Variants in VOPP1 observed in about 807,000 individuals in gnomAD.
VOPP1 encodes the protein VOPP1 WW domain binding protein, also known as WW domain binding protein VOPP1.
Under a neutral mutation model 23.5 loss-of-function variants are expected in VOPP1, and 8 were observed. The ratio of observed to expected loss-of-function variants is 0.34; its 90% CI spans 0.20 to 0.61. VOPP1 has a LOEUF of 0.61. Ranked by LOEUF, VOPP1 falls within the 20% of genes least tolerant of loss-of-function variation. VOPP1 has a pLI of 0.78. For missense variants in VOPP1, 174 were observed against 238.1 expected, an observed-to-expected ratio of 0.73 and a Z score of 1.77; for synonymous variants, 83 against 97.3, an observed-to-expected ratio of 0.85 and a Z score of 0.86.
intron 1 of VOPP1, among the ~76,000 whole-genome samples, chr7:55,533,762 C>G (rs553240836): frequency 9.8e-5 from 15 of 152,316 alleles, no homozygotes; most frequent in African/African-American, 3.6e-4. Flanking sequence ...ACCTGGCTTT[C>G]CCTCCTCAGT....
At chr7:55,436,642 G>A (rs1340701080) in intron 4 of VOPP1, among the ~76,000 whole-genome samples, 4 of 139,696 alleles carry the variant, frequency 2.9e-5, no homozygotes, top group Non-Finnish European at 4.9e-5. Context: ...GTGTGTGTGC[G>A]TGCGTGGGTG....
intron 1 of VOPP1, among the ~76,000 whole-genome samples, chr7:55,529,326 C>T (rs1796362827): frequency 6.9e-6 from 1 of 145,516 alleles, no homozygotes; most frequent in African/African-American, 2.6e-5. Flanking sequence ...GATGGCGCCA[C>T]TGCACTCCAT....
intron 3 of VOPP1, among the ~76,000 whole-genome samples, chr7:55,494,669 G>A (rs140492327): frequency 1.5e-4 from 23 of 152,194 alleles, no homozygotes; most frequent in Non-Finnish European, 2.6e-4. Context: ...TGGTAGAGAC[G>A]GAGTCTCACT....
downstream of VOPP1, among the ~76,000 whole-genome samples, chr7:55,466,514 G>GA (rs1791635305): frequency 6.6e-6 from 1 of 152,216 alleles, no homozygotes; most frequent in Non-Finnish European, 1.5e-5. Flanking sequence ...ACTGAGGGGG[G>GA]AAACCAGAAG....
intron 4 of VOPP1, among the ~76,000 whole-genome samples, chr7:55,443,436 C>A (rs1386980781): frequency 6.6e-6 from 1 of 151,826 alleles, no homozygotes; most frequent in Non-Finnish European, 1.5e-5. Flanking sequence ...CGCCTGTAGT[C>A]CTAGCTACTC....
At chr7:55,491,486 C>T (rs895714182) in intron 4 of VOPP1, among the ~76,000 whole-genome samples, 10 of 151,616 alleles carry the variant, frequency 6.6e-5, no homozygotes, top group African/African-American at 2.4e-4. Context: ...TCAGCAACAC[C>T]CCTCTGCCCA....
chr7:55,440,446 T>A (rs2128998969), intron 4 of VOPP1, among the ~76,000 whole-genome samples: 1 of 152,350 alleles, frequency 6.6e-6, no homozygotes, highest in South Asian at 2.1e-4. Context: ...GGGGGCTGAC[T>A]GATATCTGGC....
In VOPP1 at chr7:55,552,748, G is replaced by C. The variant is rs146917136; in HGVS notation, c.54+19523C>G. On this transcript the variant is annotated intron_variant, in intron 1 of 4. Coordinates refer to ENST00000285279, the MANE Select transcript of VOPP1 (RefSeq NM_030796.5). ...TCTGGTCGCCAGGTTGCCGGCACAC[G>C]GAGTTCACGCAGAGAGGCAGCAAGT... 5 of 1,533,846 alleles carry C rather than the reference G, an allele frequency of 3.3e-6. No homozygotes were observed. The East Asian group carries it at 9.8e-5, about 30-fold the overall frequency.
At chr7:55,462,371 C>T (rs1247890186) in intron 4 of VOPP1, among the ~76,000 whole-genome samples, 1 of 152,120 alleles carries the variant, frequency 6.6e-6, no homozygotes, top group Non-Finnish European at 1.5e-5. Flanking sequence ...TATCTTTAAG[C>T]TTCCTGTATC....
At chr7:55,484,406 G>T (rs1050884065) in intron 4 of VOPP1, among the ~76,000 whole-genome samples, 1 of 152,106 alleles carries the variant, frequency 6.6e-6, no homozygotes, top group East Asian at 1.9e-4. Context: ...TTTCCTTTAT[G>T]ATCTCATCAC....
At position 55,442,912 on chromosome 7, in the gene VOPP1, C is replaced by T. The variant is rs181100594; in HGVS notation, n.418-6738G>A. ...CAGGTGGATCACGAGGTCAGGAGAT[C>T]GAGACCATCCTGCCTAACACAGTGA... On this transcript the variant is annotated intron_variant and non_coding_transcript_variant, in intron 4 of 4. Transcript: ENST00000462326. Among the ~76,000 whole-genome samples the T allele has an allele frequency of 3.3e-5, 5 of 151,486 alleles. No individual in the cohort carries two copies. In the South Asian group the frequency reaches 6.3e-4, roughly 19 times the overall value.
At chr7:55,484,656 A>T (rs1229409514) in intron 4 of VOPP1, among the ~76,000 whole-genome samples, 1 of 152,222 alleles carries the variant, frequency 6.6e-6, no homozygotes, top group Non-Finnish European at 1.5e-5. Context: ...TAGCAAAGCT[A>T]ATTAACAAAA....
chr7:55,505,630 G>C (rs960209945), intron 2 of VOPP1, among the ~76,000 whole-genome samples: 23 of 120,314 alleles, frequency 1.9e-4, no homozygotes, highest in Middle Eastern at 5.7e-3. Context: ...GGGAAGGAAA[G>C]AAGGAAAAAA....
downstream of VOPP1, among the ~76,000 whole-genome samples, chr7:55,468,005 G>A (rs1417090312): frequency 2.0e-5 from 3 of 152,230 alleles, no homozygotes; most frequent in African/African-American, 7.2e-5. Flanking sequence ...TGGGGGCAGT[G>A]GCTCACGCCT....
At chr7:55,485,062 GT>G (rs917197223) in intron 4 of VOPP1, among the ~76,000 whole-genome samples, 1 of 152,154 alleles carries the variant, frequency 6.6e-6, no homozygotes, top group African/African-American at 2.4e-5. Context: ...CTTTTTGTTT[GT>G]TTTTTTAGGA....
chr7:55,551,824 G>C (rs1158260250), intron 1 of VOPP1, among the ~76,000 whole-genome samples: 1 of 152,134 alleles, frequency 6.6e-6, no homozygotes, highest in African/African-American at 2.4e-5. Context: ...TGGATCACTT[G>C]AGATCAGCAG....
At chr7:55,561,195 G>A (rs1445429622) in intron 1 of VOPP1, among the ~76,000 whole-genome samples, 3 of 152,016 alleles carry the variant, frequency 2.0e-5, no homozygotes, top group Non-Finnish European at 4.4e-5. Context: ...TTACTTCAAC[G>A]CAAAGTTCCT....
intron 1 of VOPP1, among the ~76,000 whole-genome samples, chr7:55,526,301 G>C (rs1215395190): frequency 6.6e-6 from 1 of 152,124 alleles, no homozygotes; most frequent in Non-Finnish European, 1.5e-5. Flanking sequence ...CAAGGACTAG[G>C]GTATCTATAT....
downstream of VOPP1, chr7:55,435,934 A>C (rs1285778461): frequency 1.3e-5 from 2 of 152,318 alleles, no homozygotes; most frequent in Non-Finnish European, 2.9e-5. Flanking sequence ...GAACCTCTGC[A>C]GCACGGCAGA....
Sources: allele counts gnomAD v4.1 joint callset (sites outside exome capture counted in the v4.1 genomes callset), GRCh38; gene constraint gnomAD v4.1.1; transcripts MANE v1.5; gene names NCBI Gene and HGNC (gene_info 2026-07-23, HGNC 2026-07-21).